Variants in NUP98 observed in about 807,000 individuals in gnomAD.
The protein encoded by NUP98 is nuclear pore complex protein Nup98-Nup96.
In NUP98, 26 loss-of-function variants were observed where a neutral mutation model predicts 191.9. That is an observed-to-expected ratio of 0.14 (90% CI 0.10 to 0.19). The LOEUF (loss-of-function observed/expected upper bound fraction) is 0.19, where lower values mean the gene tolerates loss of function less well. Ranked by LOEUF, NUP98 falls within the 10% of genes least tolerant of loss-of-function variation. The pLI, the probability that NUP98 is intolerant of heterozygous loss-of-function variation, is 1.00. For missense variants in NUP98, 1,941 were observed against 2,178.8 expected (o/e 0.89, Z 2.17); for synonymous variants, 808 against 778.4 (o/e 1.04, Z -0.63).
At position 3,712,628 on chromosome 11, in the gene NUP98, G is replaced by A; in HGVS notation, c.2678C>T (p.Pro893Leu). 1 of 1,613,972 alleles carries A rather than the reference G, an allele frequency of 6.2e-7. No individual in the cohort carries two copies. Among genetic ancestry groups the A allele is most frequent in the Non-Finnish European group, 8.5e-7 (1 of 1,180,016 alleles). ...STKKLKTAPL[P>L]PASQTTPLQM... ...CAAGGGCGTAGTCTGGCTTGCAGGA[G>A]GCAAAGGAGCAGTCTTCAACTTCTT... is the stretch of plus-strand genomic sequence containing the variant. The change falls in exon 20 of 33, where the codon CCT becomes CTT. Residue 893 changes from proline (P) to leucine (L), a missense_variant. This residue lies in a region of NUP98 where 1,030 missense variants were observed against 1,115.8 expected (regional missense o/e 0.92). Transcript: ENST00000324932.
chr11:3,757,091 A>T (rs1301124653), intron 10 of NUP98, among the ~76,000 whole-genome samples: 1 of 142,328 alleles, frequency 7.0e-6, no homozygotes. Context: ...CCATCTCAAA[A>T]AAAAAATATA....
chr11:3,705,996 C>CA (rs66628165), intron 21 of NUP98, among the ~76,000 whole-genome samples: 12,258 of 99,436 alleles, frequency 0.12, 675 homozygotes, highest in Middle Eastern at 0.17. Flanking sequence ...ACTAAAAATA[C>CA]AAAAAAAAAA....
chr11:3,763,533 C>T (rs1358529685), intron 8 of NUP98, among the ~76,000 whole-genome samples: 2 of 152,096 alleles, frequency 1.3e-5, no homozygotes, highest in South Asian at 2.1e-4. Context: ...CAACACGGAC[C>T]GAGGTACGAG....
intron 22 of NUP98, among the ~76,000 whole-genome samples, chr11:3,703,808 G>T (rs184720498): frequency 6.6e-6 from 1 of 152,054 alleles, no homozygotes; most frequent in Non-Finnish European, 1.5e-5. Context: ...CCTTCTGAAG[G>T]ACAGTTCTTT....
chr11:3,741,057 A>G (rs964078373), intron 12 of NUP98, among the ~76,000 whole-genome samples: 61 of 151,520 alleles, frequency 4.0e-4, no homozygotes, highest in Non-Finnish European at 7.4e-4. Context: ...CTTGACCTCA[A>G]GCAATCCGCC....
rs757769012 is a variant in NUP98 at position 3,723,433 on chromosome 11, C to A, written c.1870G>T (p.Val624Phe). The A allele has an allele frequency of 6.2e-7, 1 of 1,613,988 alleles. No homozygotes were observed. Among genetic ancestry groups the A allele is most frequent in the Admixed American group, 1.7e-5 (1 of 60,002 alleles). The change falls in exon 16 of 33, where the codon GTT becomes TTT. Residue 624 changes from valine to phenylalanine, a missense_variant. Physicochemically the swap from Val to Phe is conservative, Grantham distance 50. Coordinates refer to ENST00000324932, the MANE Select transcript of NUP98 (RefSeq NM_016320.5). Reference sequence around the variant, plus strand: ...CCATCCTGCTGGTGATTCTCATCAACAGGTTTGCTTAGGAAACTAAATCTG... The same window carrying A: ...CCATCCTGCTGGTGATTCTCATCAAAAGGTTTGCTTAGGAAACTAAATCTG... ...GERFSFLSKPVDENHQQDGDE... is the reference protein window; with the variant it reads ...GERFSFLSKPFDENHQQDGDE...
intron 23 of NUP98, among the ~76,000 whole-genome samples, chr11:3,702,016 C>G (rs946287565): frequency 1.3e-5 from 2 of 150,966 alleles, no homozygotes; most frequent in African/African-American, 4.9e-5. Flanking sequence ...ATAGGCTGGG[C>G]AAGGTGGCTC....
chr11:3,681,871 C>G (rs1403742845), intron 30 of NUP98, among the ~76,000 whole-genome samples: 1 of 152,210 alleles, frequency 6.6e-6, no homozygotes, highest in Non-Finnish European at 1.5e-5. Flanking sequence ...CTTCTCTTCT[C>G]TAGCTATGAA....
intron 10 of NUP98, among the ~76,000 whole-genome samples, 165 bp from the exon 11 acceptor site, chr11:3,753,573 C>G (rs1210789675): frequency 6.6e-6 from 1 of 151,656 alleles, no homozygotes; most frequent in Non-Finnish European, 1.5e-5. Flanking sequence ...TTCACATATG[C>G]AAACAAGTCT....
chr11:3,765,678 G>A (rs2081312658), intron 8 of NUP98, among the ~76,000 whole-genome samples: 3 of 151,844 alleles, frequency 2.0e-5, no homozygotes, highest in African/African-American at 7.3e-5. Flanking sequence ...GCGCACACCT[G>A]TAATCCCAGT....
chr11:3,781,778 A>G (rs936704403), intron 2 of NUP98, among the ~76,000 whole-genome samples: 1 of 152,118 alleles, frequency 6.6e-6, no homozygotes, highest in Non-Finnish European at 1.5e-5. Context: ...TTAGTAACAA[A>G]TTATAACTTT....
At chr11:3,753,667 T>C (rs563319212) in intron 10 of NUP98, among the ~76,000 whole-genome samples, 1 of 144,504 alleles carries the variant, frequency 6.9e-6, no homozygotes, top group African/African-American at 2.6e-5. Context: ...TCCCAGCACT[T>C]TGGGAGGCCG....
chr11:3,744,705 C>G (rs1318274319), intron 11 of NUP98, 56 bp from the exon 12 acceptor site: 1 of 1,548,570 alleles, frequency 6.5e-7, no homozygotes, highest in African/African-American at 1.4e-5. Flanking sequence ...CAATGTTGTG[C>G]CAGAGGTCAG....
At chr11:3,793,777 C>T (rs1425167765) in intron 1 of NUP98, among the ~76,000 whole-genome samples, 1 of 151,814 alleles carries the variant, frequency 6.6e-6, no homozygotes, top group Non-Finnish European at 1.5e-5. Context: ...TCCAGATCAG[C>T]CTGGCCAACA....
intron 1 of NUP98, among the ~76,000 whole-genome samples, chr11:3,795,720 T>C (rs1174548472): frequency 6.6e-6 from 1 of 151,946 alleles, no homozygotes; most frequent in East Asian, 1.9e-4. Context: ...TAAATAGAAA[T>C]ATCAAATAAG....
intron 1 of NUP98, among the ~76,000 whole-genome samples, chr11:3,788,825 T>C (rs1021991903): frequency 1.3e-5 from 2 of 151,854 alleles, no homozygotes; most frequent in Non-Finnish European, 2.9e-5. Context: ...CGCATGCCTG[T>C]CATCCCAGCT....
At chr11:3,745,755 T>C (rs1227149416) in intron 11 of NUP98, among the ~76,000 whole-genome samples, 1 of 152,192 alleles carries the variant, frequency 6.6e-6, no homozygotes, top group Non-Finnish European at 1.5e-5. Context: ...GCATGGCTTC[T>C]GAAGTTCTTT....
intron 1 of NUP98, among the ~76,000 whole-genome samples, chr11:3,787,299 G>A (rs2082173414): frequency 6.6e-6 from 1 of 152,160 alleles, no homozygotes; most frequent in African/African-American, 2.4e-5. Context: ...TCCTCTCTAA[G>A]GCCGGGCACG....
chr11:3,795,981 G>T (rs12283708), intron 1 of NUP98, among the ~76,000 whole-genome samples: 60,537 of 152,028 alleles, frequency 0.4, 12,060 homozygotes, highest in Admixed American at 0.41. Flanking sequence ...GAGTCAAAAA[G>T]AATAATTTTA....
Sources: allele counts gnomAD v4.1 joint callset (sites outside exome capture counted in the v4.1 genomes callset), GRCh38; gene constraint gnomAD v4.1.1; regional missense constraint gnomAD v4.1.1; transcripts MANE v1.5; gene names NCBI Gene and HGNC (gene_info 2026-07-23, HGNC 2026-07-21).